PPIG: variants seen among roughly 807,000 people sequenced by gnomAD.
PPIG encodes the protein peptidyl-prolyl cis-trans isomerase G.
In PPIG, 26 loss-of-function variants were observed where a neutral mutation model predicts 87.9. The ratio of observed to expected loss-of-function variants is 0.30; its 90% CI spans 0.22 to 0.41. The LOEUF is 0.41. Ranked by LOEUF, PPIG falls within the 10% of genes least tolerant of loss-of-function variation. The probability of loss-of-function intolerance (pLI) is 1.00; values close to 1 mark genes in which losing one functional copy is unlikely to be tolerated. For synonymous variants in PPIG, 308 were observed against 276.5 expected, an observed-to-expected ratio of 1.11 and a Z score of -1.13; for missense variants, 722 against 879.4, an observed-to-expected ratio of 0.82 and a Z score of 2.26.
chr2:169,591,845 A>C (rs979751550), intron 1 of PPIG, among the ~76,000 whole-genome samples: 12 of 151,624 alleles, frequency 7.9e-5, no homozygotes, highest in African/African-American at 2.9e-4. Context: ...ACAAATTTGC[A>C]GCAAACAAAT....
intron 1 of PPIG, among the ~76,000 whole-genome samples, chr2:169,589,713 G>A (rs1440092391): frequency 6.6e-6 from 1 of 152,126 alleles, no homozygotes; most frequent in Non-Finnish European, 1.5e-5. Context: ...TCTAGGGAAT[G>A]GGTTCTGTTT....
Position 169,633,497 on chromosome 2 carries a change from C to A in PPIG, c.1017+250C>A, listed in dbSNP as rs1336246000. 1.9e-5 allele frequency: 10 copies of A among 531,262 alleles called. No homozygotes were observed. The Admixed American group carries it at 3.4e-4, about 18-fold the overall frequency. 32.9% of individuals were successfully genotyped at this position (531,262 alleles called of 1,614,324 possible). A position where few individuals can be genotyped will look rare whatever the true frequency, so the allele number is the denominator to read the frequency against. ...ATGGGATCGAGGTCTTTCTTGTCTC[C>A]CGTGTTTCTTGGCAATCACTGTATC... On this transcript the variant is annotated intron_variant, in intron 12 of 13. Transcript: ENST00000260970.
At chr2:169,587,392 C>A (rs1221059640) in intron 1 of PPIG, among the ~76,000 whole-genome samples, 1 of 152,016 alleles carries the variant, frequency 6.6e-6, no homozygotes, top group Non-Finnish European at 1.5e-5. Flanking sequence ...CAGGCATGTG[C>A]CACCACACCC....
At chr2:169,628,341 C>T (rs1420792482) in intron 9 of PPIG, among the ~76,000 whole-genome samples, 4 of 152,138 alleles carry the variant, frequency 2.6e-5, no homozygotes, top group African/African-American at 7.2e-5. Flanking sequence ...ATTACATCTA[C>T]GGTCTCTTCA....
chr2:169,592,004 G>A (rs1260524930), intron 1 of PPIG, among the ~76,000 whole-genome samples: 1 of 133,788 alleles, frequency 7.5e-6, no homozygotes, highest in Non-Finnish European at 1.5e-5. Flanking sequence ...ACTGCTCGCT[G>A]CAACCTCAAC....
chr2:169,633,402 T>G, intron 12 of PPIG, 155 bp downstream of exon 12: 4 of 671,912 alleles, frequency 6.0e-6, no homozygotes, highest in Non-Finnish European at 1.0e-5. Flanking sequence ...TTAAGCAGCT[T>G]CTGTATGTTG....
intron 9 of PPIG, among the ~76,000 whole-genome samples, 182 bp downstream of exon 9, chr2:169,614,906 GTGAACAA>G (rs1685574210): frequency 6.6e-6 from 1 of 152,112 alleles, no homozygotes; most frequent in African/African-American, 2.4e-5. Context: ...TATACTTACT[GTGAACAA>G]TATGATGTTT....
Position 169,604,387 on chromosome 2 carries a change from A to G in PPIG, c.136+126A>G, listed in dbSNP as rs1473601651. 3 of 762,652 alleles carry G rather than the reference A, an allele frequency of 3.9e-6. No homozygotes were observed. The African/African-American group carries it at 6.5e-5, about 16-fold the overall frequency. 47.2% of individuals were successfully genotyped at this position (762,652 alleles called of 1,614,324 possible). A position where few individuals can be genotyped will look rare whatever the true frequency, so the allele number is the denominator to read the frequency against. ...GGATCTTGCAACGTTGTCCAACTGG[A>G]CTAGAACTCCTGGGCTCATCAATCC... On this transcript the variant is annotated intron_variant, in intron 4 of 13. Coordinates refer to ENST00000260970, the MANE Select transcript of PPIG (RefSeq NM_004792.3).
rs1286068900 is a variant in PPIG at position 169,592,174 on chromosome 2, C to T, written c.-70+7684C>T. 3.3e-5 allele frequency among the ~76,000 whole-genome samples: 5 copies of T among 149,888 alleles called. No individual in the cohort carries two copies. In the Admixed American group the frequency reaches 3.3e-4, roughly 10 times the overall value. On this transcript the variant is annotated intron_variant, in intron 1 of 13. Transcript: ENST00000260970. ...GATATTTTATTTAAAATTGTAAGGG[C>T]TTAATTTTCCCCTGAATCATGTTTT... is the stretch of plus-strand genomic sequence containing the variant.
At chr2:169,607,185 T>C (rs1230587083) in intron 6 of PPIG, 37 bp downstream of exon 6, 1 of 1,307,142 alleles carries the variant, frequency 7.7e-7, no homozygotes, top group Admixed American at 1.8e-5. Flanking sequence ...TTTTAAATAT[T>C]TTGTCTTTTA....
At chr2:169,595,074 G>A (rs1039857129) in intron 1 of PPIG, among the ~76,000 whole-genome samples, 2 of 151,990 alleles carry the variant, frequency 1.3e-5, no homozygotes, top group African/African-American at 4.8e-5. Flanking sequence ...GATTACAGGT[G>A]CCCACCACCT....
At chr2:169,607,083 G>A (rs964965099) in intron 5 of PPIG, 21 bp from the exon 6 acceptor site, 1 of 1,513,806 alleles carries the variant, frequency 6.6e-7, no homozygotes, top group Non-Finnish European at 9.1e-7. Flanking sequence ...AGAGTTATAA[G>A]AGTATGTTTT....
rs375727248 is a variant in PPIG, at chr2:169,633,138, C to T, written c.930-22C>T. 70 of 1,550,108 alleles carry T rather than the reference C, an allele frequency of 4.5e-5. 1 individual carries two copies. The African/African-American group carries it at 9.0e-4, about 20-fold the overall frequency. On this transcript the variant is annotated intron_variant, in intron 11 of 13. Coordinates refer to ENST00000260970, the MANE Select transcript of PPIG (RefSeq NM_004792.3). Reference sequence around the variant, plus strand: ...AAAAGTTTTTAAAAAAATGTGTTAACTTTCTGTTTGCTTCCTTCTAGTAAT... The same window carrying T: ...AAAAGTTTTTAAAAAAATGTGTTAATTTTCTGTTTGCTTCCTTCTAGTAAT...
rs533452518 is a variant in PPIG at position 169,592,041 on chromosome 2, C to T, written c.-70+7551C>T. 1.3e-4 allele frequency among the ~76,000 whole-genome samples: 19 copies of T among 148,556 alleles called. No individual in the cohort carries two copies. The East Asian group carries it at 2.5e-3, about 19-fold the overall frequency. ...TCCTGGGCTCAAATGATCCTCCCAC[C>T]GCAGCCTCCCAAGTAGCTGGGACCA... On this transcript the variant is annotated intron_variant, in intron 1 of 13. Transcript: ENST00000260970.
chr2:169,592,263 G>A (rs1331639397), intron 1 of PPIG, among the ~76,000 whole-genome samples: 1 of 145,282 alleles, frequency 6.9e-6, no homozygotes, highest in East Asian at 2.1e-4. Flanking sequence ...AAATTGACCA[G>A]ATGTTTGTCT....
intron 1 of PPIG, among the ~76,000 whole-genome samples, chr2:169,599,299 T>A (rs1685110983): frequency 1.3e-5 from 2 of 152,192 alleles, no homozygotes; most frequent in South Asian, 4.1e-4. Context: ...TTCATGGGGG[T>A]ATTTTTTAAG....
Position 169,603,963 on chromosome 2 carries a change from A to G in PPIG, c.-16-63A>G. On this transcript the variant is annotated intron_variant, in intron 2 of 13. Coordinates refer to ENST00000260970, the MANE Select transcript of PPIG (RefSeq NM_004792.3). The stretch of plus-strand genomic sequence containing the variant: ...TATTGTTTCACAGAATTTTTTTTCC[A>G]GAAATTTGTGAAAGATCTTTGCTAT... 3 of 1,340,384 alleles carry G rather than the reference A, an allele frequency of 2.2e-6. No homozygotes were observed. In the South Asian group the frequency reaches 3.8e-5, roughly 17 times the overall value. 83.0% of individuals were successfully genotyped at this position (1,340,384 alleles called of 1,614,324 possible).
rs368329323 is a variant in PPIG, at chr2:169,631,769, A to G, written c.765A>G (p.Ala255=). The change falls in exon 11 of 14, where the codon GCA becomes GCG. Residue 255 remains alanine, a synonymous_variant. Coordinates refer to ENST00000260970, the MANE Select transcript of PPIG (RefSeq NM_004792.3). ...KKKRKKSKKS[A]SSESEAENLE... ...TTGTGTGTTTCTGTCTGTTAAGTGC[A>G]TCTAGTGAGAGTGAAGCTGAAAATC... The G allele has an allele frequency of 1.2e-6, 2 of 1,613,864 alleles. No individual in the cohort carries two copies. The highest frequency in any genetic ancestry group is 1.1e-5 in the South Asian group (1 of 91,080).
In PPIG at chr2:169,623,002, TA is replaced by T. The variant is rs575862195; in HGVS notation, c.548-7771del. On this transcript the variant is annotated intron_variant, in intron 9 of 13. Coordinates refer to ENST00000260970, the MANE Select transcript of PPIG (RefSeq NM_004792.3). ...AAATCTGACAGTCTTGGTCCATCTA[TA>T]TGTGTTCTTGGGGAGTCTGGGCAAT... Among the ~76,000 whole-genome samples, 1,441 of 152,302 alleles carry T rather than the reference TA, an allele frequency of 9.5e-3. 25 individuals are homozygous for T. The highest frequency in any genetic ancestry group is 0.033 in the African/African-American group (1,382 of 41,572).
Sources: allele counts gnomAD v4.1 joint callset (sites outside exome capture counted in the v4.1 genomes callset), GRCh38; gene constraint gnomAD v4.1.1; transcripts MANE v1.5; gene names NCBI Gene and HGNC (gene_info 2026-07-23, HGNC 2026-07-21).